The following ARFGEF3 variants were observed in gnomAD, a reference collection of about 807,000 sequenced individuals.
The protein encoded by ARFGEF3 is ARFGEF family member 3, also known as brefeldin A-inhibited guanine nucleotide-exchange protein 3.
A neutral mutation model predicts 221.7 loss-of-function variants in ARFGEF3; 96 were observed. The ratio of observed to expected loss-of-function variants is 0.43; its 90% CI spans 0.37 to 0.51. The LOEUF is 0.51. ARFGEF3 is among the 20% of genes least tolerant of loss of function. The pLI is 0.00. For missense variants in ARFGEF3, 2,410 were observed against 2,789.9 expected, an observed-to-expected ratio of 0.86 and a Z score of 3.07; for synonymous variants, 1,145 against 1,126.8, an observed-to-expected ratio of 1.02 and a Z score of -0.32.
chr6:138,186,507 C>G (rs968737969), intron 2 of ARFGEF3, among the ~76,000 whole-genome samples: 10 of 152,164 alleles, frequency 6.6e-5, no homozygotes, highest in Non-Finnish European at 1.2e-4. Flanking sequence ...AGGTCTGGTC[C>G]TTTTTGTCGG....
chr6:138,162,225 A>C lies in ARFGEF3; in HGVS notation c.85+54A>C. 7.2e-7 allele frequency: 1 copy of C among 1,380,652 alleles called. No individual in the cohort carries two copies. The highest frequency in any genetic ancestry group is 1.0e-6 in the Non-Finnish European group (1 of 1,002,670). The allele number at this position is 1,380,652 out of a possible 1,614,324, so 85.5% of individuals were successfully genotyped here. The stretch of plus-strand genomic sequence containing the variant: ...CGGGAGGGCCGCGCGGCCGGGGCTG[A>C]ACCCGCGCCTCCGCGCGTGGGGCTT... On this transcript the variant is annotated intron_variant, in intron 1 of 33. Transcript: ENST00000251691. The surrounding 1 kb of genome is among the most constrained non-coding windows in gnomAD (Gnocchi z 4.7).
intron 1 of ARFGEF3, among the ~76,000 whole-genome samples, chr6:138,168,458 G>T (rs968506206): frequency 3.9e-5 from 6 of 152,210 alleles, no homozygotes; most frequent in East Asian, 1.9e-4. Flanking sequence ...GAAAGTCCTT[G>T]TTGGGCTCTC....
At chr6:138,238,397 G>A (rs1399186857) in intron 5 of ARFGEF3, 112 bp from the exon 6 acceptor site, 4 of 1,121,986 alleles carry the variant, frequency 3.6e-6, no homozygotes, top group Non-Finnish European at 5.0e-6. Flanking sequence ...CCTAAATCAG[G>A]CTGACTTTCT....
intron 1 of ARFGEF3, among the ~76,000 whole-genome samples, chr6:138,166,515 T>C (rs1776725654): frequency 6.6e-6 from 1 of 152,222 alleles, no homozygotes; most frequent in Non-Finnish European, 1.5e-5. Flanking sequence ...ATAAGGCATA[T>C]GTATGTATCT....
At chr6:138,232,574 A>G (rs1330955426) in intron 5 of ARFGEF3, among the ~76,000 whole-genome samples, 1 of 152,190 alleles carries the variant, frequency 6.6e-6, no homozygotes, top group Non-Finnish European at 1.5e-5. Context: ...GGAAACTTCC[A>G]GTCTTTGATT....
chr6:138,184,744 A>G (rs751531953), intron 2 of ARFGEF3, among the ~76,000 whole-genome samples: 2 of 152,130 alleles, frequency 1.3e-5, no homozygotes, highest in Non-Finnish European at 2.9e-5. Flanking sequence ...TTCTGTTTCC[A>G]TTTTTACTTA....
At chr6:138,166,687 G>A (rs1776730061) in intron 1 of ARFGEF3, among the ~76,000 whole-genome samples, 2 of 152,196 alleles carry the variant, frequency 1.3e-5, no homozygotes, top group Admixed American at 1.3e-4. Flanking sequence ...GCTGTGGTGG[G>A]ATGAAATAGA....
At chr6:138,279,347 C>T (rs912835920) in intron 13 of ARFGEF3, among the ~76,000 whole-genome samples, 5 of 152,128 alleles carry the variant, frequency 3.3e-5, no homozygotes, top group South Asian at 2.1e-4. Context: ...AACTCTTCAC[C>T]GTATTCCAAC....
chr6:138,320,251 C>T (rs1405682216), intron 28 of ARFGEF3, among the ~76,000 whole-genome samples: 5 of 152,188 alleles, frequency 3.3e-5, no homozygotes, highest in Non-Finnish European at 5.9e-5. Context: ...GCGGGTATAG[C>T]CTGTCACCCT....
intron 2 of ARFGEF3, among the ~76,000 whole-genome samples, chr6:138,186,911 T>C (rs985882151): frequency 4.7e-5 from 6 of 127,414 alleles, no homozygotes; most frequent in East Asian, 2.1e-4. Context: ...TCTTTTTTTT[T>C]TTTTTTTTTT....
chr6:138,329,222 G>A (rs760156786), intron 32 of ARFGEF3, among the ~76,000 whole-genome samples: 6 of 152,106 alleles, frequency 3.9e-5, no homozygotes, highest in Admixed American at 6.5e-5. Flanking sequence ...CTTCTGACAC[G>A]TTAATAGTAA....
In ARFGEF3 at chr6:138,291,680, G is replaced by A; in HGVS notation, c.3048-53G>A. ...TGTCTGGCACTGTGGGGTTTATGGA[G>A]CTGCCGGGGTGAGCTGCAGCGCCTA... is the stretch of plus-strand genomic sequence containing the variant. On this transcript the variant is annotated intron_variant, in intron 18 of 33. Transcript: ENST00000251691. This position sits in a 1 kb window ranked among gnomAD's most constrained non-coding sequence, Gnocchi z 4.5. 13 of 1,251,024 alleles carry A rather than the reference G, an allele frequency of 1.0e-5. No individual in the cohort carries two copies. The highest frequency in any genetic ancestry group is 1.3e-5 in the Non-Finnish European group (13 of 973,494). 77.5% of individuals were successfully genotyped at this position (1,251,024 alleles called of 1,614,324 possible).
intron 31 of ARFGEF3, 73 bp from the exon 32 acceptor site, chr6:138,327,948 C>T (rs1470062787): frequency 7.7e-7 from 1 of 1,291,836 alleles, no homozygotes; most frequent in South Asian, 1.4e-5. Context: ...TGCCCAGGGT[C>T]ATCCAGCTGA....
Position 138,307,411 on chromosome 6 carries a change from G to T in ARFGEF3, c.3973+14G>T. 3 of 1,609,676 alleles carry T rather than the reference G, an allele frequency of 1.9e-6. No homozygotes were observed. Among genetic ancestry groups the T allele is most frequent in the Non-Finnish European group, 2.5e-6 (3 of 1,176,582 alleles). On this transcript the variant is annotated intron_variant, in intron 23 of 33. Coordinates refer to ENST00000251691, the MANE Select transcript of ARFGEF3 (RefSeq NM_020340.5). The stretch of plus-strand genomic sequence containing the variant: ...ACTACTCCATGGGTAAGAATGTTTG[G>T]ATGATTCTTGCTATTCAGCATTAAT...
intron 33 of ARFGEF3, 96 bp from the exon 34 acceptor site, chr6:138,336,198 TG>T: frequency 2.2e-6 from 2 of 924,718 alleles, no homozygotes; most frequent in Non-Finnish European, 3.1e-6. Context: ...AACTAAAGCC[TG>T]GAAAAAAACC....
chr6:138,241,617 CAATT>C (rs768312752), intron 6 of ARFGEF3, among the ~76,000 whole-genome samples: 12 of 152,154 alleles, frequency 7.9e-5, no homozygotes, highest in African/African-American at 1.9e-4. Flanking sequence ...TAATAAAACT[CAATT>C]GATTGAGATA....
At chr6:138,199,695 G>A (rs891078516) in intron 2 of ARFGEF3, among the ~76,000 whole-genome samples, 1 of 152,172 alleles carries the variant, frequency 6.6e-6, no homozygotes, top group African/African-American at 2.4e-5. Context: ...TTGGTTTATA[G>A]AAGAGCTACT....
intron 6 of ARFGEF3, 96 bp from the exon 7 acceptor site, chr6:138,242,856 G>A (rs1778419180): frequency 9.5e-7 from 1 of 1,056,894 alleles, no homozygotes; most frequent in African/African-American, 1.6e-5. Context: ...GGGCACCCCG[G>A]AAGCCATTTT....
In ARFGEF3 at chr6:138,262,560, C is replaced by T; in HGVS notation, c.1218-141C>T. On this transcript the variant is annotated intron_variant, in intron 11 of 33. Transcript: ENST00000251691. ...GCATGTTTGTTTCTTTTATTCATTG[C>T]CCAGACCATTTTGTTTTATTCAAAT... The T allele has an allele frequency of 3.6e-6, 3 of 834,966 alleles. No individual in the cohort carries two copies. The South Asian group carries it at 5.5e-5, about 15-fold the overall frequency. 51.7% of individuals were successfully genotyped at this position (834,966 alleles called of 1,614,324 possible).
Sources: allele counts gnomAD v4.1 joint callset (sites outside exome capture counted in the v4.1 genomes callset), GRCh38; gene constraint gnomAD v4.1.1; non-coding constraint Gnocchi (gnomAD v3.1); transcripts MANE v1.5; gene names NCBI Gene and HGNC (gene_info 2026-07-23, HGNC 2026-07-21).